Variants in ROR2 observed in about 807,000 individuals in gnomAD.
ROR2 encodes the protein ROR family WNT receptor 2, also known as tyrosine-protein kinase transmembrane receptor ROR2.
In ROR2, 33 loss-of-function variants were observed where a neutral mutation model predicts 74.9. The ratio of observed to expected loss-of-function variants is 0.44; its 90% CI spans 0.33 to 0.59. ROR2 has a LOEUF of 0.59. ROR2 is among the 20% of genes least tolerant of loss of function. The pLI is 0.02. For synonymous variants in ROR2, 586 were observed against 558.7 expected (o/e 1.05, Z -0.69); for missense variants, 1,216 against 1,313.8 (o/e 0.93, Z 1.15).
intron 4 of ROR2, among the ~76,000 whole-genome samples, chr9:91,744,213 CTTTTT>C (rs1167780367): frequency 2.2e-5 from 2 of 89,082 alleles, no homozygotes; most frequent in Admixed American, 1.8e-4. Flanking sequence ...AATTTGTTAA[CTTTTT>C]TTTTTTTTTT....
At chr9:91,732,306 C>T (rs930143861) in intron 6 of ROR2, among the ~76,000 whole-genome samples, 1 of 152,230 alleles carries the variant, frequency 6.6e-6, no homozygotes, top group African/African-American at 2.4e-5. Context: ...GCCATCCTGA[C>T]TGGCCATGGC....
rs1275097243 is a variant in ROR2, at chr9:91,722,917, C to A, written c.*745G>T. 1 of 326,594 alleles carries A rather than the reference C, an allele frequency of 3.1e-6. No homozygotes were observed. Among genetic ancestry groups the A allele is most frequent in the East Asian group, 5.5e-5 (1 of 18,238 alleles). The allele number at this position is 326,594 out of a possible 1,614,324, so 20.2% of individuals were successfully genotyped here. ...AAAAATAACAATACCGTGTTCTGTA[C>A]AATACTGCTTCCTCTGAACATTCCA... On this transcript the variant is annotated 3_prime_UTR_variant, in exon 9 of 9. Coordinates refer to ENST00000375708, the MANE Select transcript of ROR2 (RefSeq NM_004560.4).
intron 1 of ROR2, chr9:91,886,946 G>C (rs1000067583): frequency 6.6e-6 from 1 of 152,218 alleles, no homozygotes; most frequent in African/African-American, 2.4e-5. Flanking sequence ...CAGACTGCCT[G>C]CCGTGTCTTT....
intron 1 of ROR2, among the ~76,000 whole-genome samples, chr9:91,863,534 A>T (rs1054518385): frequency 3.3e-5 from 5 of 152,082 alleles, no homozygotes; most frequent in Admixed American, 6.5e-5. Context: ...ACAAAAACAA[A>T]AACAAAAAAC....
At chr9:91,729,642 G>A (rs1837165917) in intron 7 of ROR2, among the ~76,000 whole-genome samples, 1 of 152,124 alleles carries the variant, frequency 6.6e-6, no homozygotes, top group Non-Finnish European at 1.5e-5. Flanking sequence ...ATCCGCGGGT[G>A]CCCACTCATT....
At chr9:91,879,428 G>C (rs1564016073) in intron 1 of ROR2, among the ~76,000 whole-genome samples, 1 of 149,360 alleles carries the variant, frequency 6.7e-6, no homozygotes. Context: ...GTGTGGGTGT[G>C]TGGGTGTGGG....
At chr9:91,773,860 G>A (rs1035858867) in intron 2 of ROR2, among the ~76,000 whole-genome samples, 1 of 152,226 alleles carries the variant, frequency 6.6e-6, no homozygotes, top group Non-Finnish European at 1.5e-5. Flanking sequence ...CCCAGATCAA[G>A]AGATGTGTTC....
intron 1 of ROR2, among the ~76,000 whole-genome samples, chr9:91,925,413 A>G (rs1200052285): frequency 6.6e-6 from 1 of 152,056 alleles, no homozygotes; most frequent in Non-Finnish European, 1.5e-5. Flanking sequence ...GTCCTTGCTC[A>G]GCACAAGTGA....
chr9:91,882,321 G>T (rs759356146), intron 1 of ROR2, among the ~76,000 whole-genome samples: 1 of 151,302 alleles, frequency 6.6e-6, no homozygotes, highest in Non-Finnish European at 1.5e-5. Context: ...TGAGGCAGGA[G>T]AATCACTTGA....
chr9:91,921,129 A>G (rs1587848141), intron 1 of ROR2, among the ~76,000 whole-genome samples: 1 of 152,330 alleles, frequency 6.6e-6, no homozygotes. Context: ...GAAGTAGCGG[A>G]CAGGAGAAGC....
chr9:91,945,003 G>A (rs1831975461), intron 1 of ROR2, among the ~76,000 whole-genome samples: 1 of 151,928 alleles, frequency 6.6e-6, no homozygotes, highest in African/African-American at 2.4e-5. Flanking sequence ...CTTAGCCCAG[G>A]AGGTTAAGGC....
chr9:91,839,984 C>G (rs982748433), intron 1 of ROR2, among the ~76,000 whole-genome samples: 1 of 152,160 alleles, frequency 6.6e-6, no homozygotes, highest in Admixed American at 6.5e-5. Context: ...TCCCCACCTG[C>G]GTTGCCCACA....
chr9:91,781,111 T>C (rs1431936531), intron 1 of ROR2, among the ~76,000 whole-genome samples: 1 of 152,252 alleles, frequency 6.6e-6, no homozygotes, highest in African/African-American at 2.4e-5. Flanking sequence ...AAGCAGCCTC[T>C]TTTTAATTAG....
intron 1 of ROR2, among the ~76,000 whole-genome samples, chr9:91,856,858 CAT>C (rs776615937): frequency 6.6e-6 from 1 of 152,234 alleles, no homozygotes; most frequent in Non-Finnish European, 1.5e-5. Context: ...TGCTCAAGCT[CAT>C]AGAGTCCCCA....
At chr9:91,792,520 A>G (rs62563410) in intron 1 of ROR2, among the ~76,000 whole-genome samples, 2,588 of 152,186 alleles carry the variant, frequency 0.017, 25 homozygotes, top group East Asian at 0.024. Flanking sequence ...GTGTTAGCCA[A>G]GATGGTCTCG....
intron 1 of ROR2, among the ~76,000 whole-genome samples, chr9:91,781,825 TG>T (rs1195954350): frequency 6.6e-6 from 1 of 152,232 alleles, no homozygotes; most frequent in East Asian, 1.9e-4. Flanking sequence ...TTCACCAATT[TG>T]AACTTTGCTG....
chr9:91,895,831 G>A (rs138648295), intron 1 of ROR2, among the ~76,000 whole-genome samples: 2,591 of 152,294 alleles, frequency 0.017, 79 homozygotes, highest in African/African-American at 0.059. Context: ...GCGGCTGAGC[G>A]AGACTCTGTC....
intron 1 of ROR2, chr9:91,948,744 T>C: frequency 2.0e-6 from 2 of 985,446 alleles, no homozygotes; most frequent in Non-Finnish European, 2.4e-6. Context: ...TGGGGGATAC[T>C]GAAGCCCATT....
At chr9:91,804,042 C>T (rs1040981347) in intron 1 of ROR2, among the ~76,000 whole-genome samples, 2 of 152,206 alleles carry the variant, frequency 1.3e-5, no homozygotes, top group Non-Finnish European at 2.9e-5. Context: ...CAGAAACACA[C>T]TCATTTCTGA....
Sources: allele counts gnomAD v4.1 joint callset (sites outside exome capture counted in the v4.1 genomes callset), GRCh38; gene constraint gnomAD v4.1.1; transcripts MANE v1.5; gene names NCBI Gene and HGNC (gene_info 2026-07-23, HGNC 2026-07-21).